The following C12orf42 variants were observed in gnomAD, a reference collection of about 807,000 sequenced individuals.
C12orf42 encodes uncharacterized protein C12orf42.
Under a neutral mutation model 21.6 loss-of-function variants are expected in C12orf42, and 25 were observed. That is an observed-to-expected ratio of 1.16 (90% CI 0.84 to 1.62). The LOEUF is 1.62. C12orf42 is among the 40% of genes most tolerant of loss of function. C12orf42 has a pLI of 0.00. For synonymous variants in C12orf42, 174 were observed against 175.0 expected (o/e 0.99, Z 0.05); for missense variants, 483 against 459.3 (o/e 1.05, Z -0.47).
At chr12:103,100,230 T>C in the C12orf42 span, among the ~76,000 whole-genome samples, 1 of 152,194 alleles carries the variant, frequency 6.6e-6, no homozygotes, top group Admixed American at 6.5e-5. Context: ...GCGGGCAATC[T>C]TGCCCGCAGA....
At chr12:103,085,264 G>C in the C12orf42 span, among the ~76,000 whole-genome samples, 4 of 152,158 alleles carry the variant, frequency 2.6e-5, no homozygotes, top group African/African-American at 4.8e-5. Context: ...AATTCTAAGA[G>C]AGTCTCTTAG....
intron 4 of C12orf42, among the ~76,000 whole-genome samples, chr12:103,315,080 A>G: frequency 6.6e-6 from 1 of 152,172 alleles, no homozygotes; most frequent in East Asian, 1.9e-4. Context: ...ACAAACATTA[A>G]ACACAACCCG....
chr12:103,359,515 T>G (rs1198299066), intron 4 of C12orf42, among the ~76,000 whole-genome samples: 1 of 152,082 alleles, frequency 6.6e-6, no homozygotes, highest in African/African-American at 2.4e-5. Flanking sequence ...TATACAAGGA[T>G]GCATTACACT....
At chr12:103,255,847 C>A (rs1022889181) in intron 10 of C12orf42, among the ~76,000 whole-genome samples, 26 of 150,408 alleles carry the variant, frequency 1.7e-4, no homozygotes, top group African/African-American at 5.6e-4. Context: ...GTCAGGAGAT[C>A]GACACCATCC....
intron 3 of C12orf42, among the ~76,000 whole-genome samples, chr12:103,391,318 CTA>C (rs1178317097): frequency 4.6e-5 from 7 of 152,112 alleles, no homozygotes; most frequent in African/African-American, 1.4e-4. Context: ...TATGGTAATT[CTA>C]TGTTTCACTT....
chr12:103,146,560 A>AAAAGAAAGAAAGAATG, the C12orf42 span, among the ~76,000 whole-genome samples: 8 of 120,054 alleles, frequency 6.7e-5, no homozygotes, highest in Admixed American at 4.5e-4. Flanking sequence ...ATAAAGAAAG[A>AAAAGAAAGAAAGAATG]AAAGAAAGAA....
chr12:103,183,091 T>C, the C12orf42 span, among the ~76,000 whole-genome samples: 5 of 152,242 alleles, frequency 3.3e-5, no homozygotes, highest in Non-Finnish European at 7.3e-5. Context: ...TTTCATTTCA[T>C]TTCATTTTAA....
At chr12:103,378,985 A>G (rs2045934835) in intron 3 of C12orf42, among the ~76,000 whole-genome samples, 1 of 152,186 alleles carries the variant, frequency 6.6e-6, no homozygotes, top group Non-Finnish European at 1.5e-5. Context: ...GTGAATGAAA[A>G]AGGTGAAGAC....
intron 3 of C12orf42, among the ~76,000 whole-genome samples, chr12:103,374,987 A>C (rs1258132474): frequency 6.6e-6 from 1 of 152,220 alleles, no homozygotes; most frequent in Non-Finnish European, 1.5e-5. Context: ...GAAAGAGATG[A>C]TATTTGCTAC....
the C12orf42 span, among the ~76,000 whole-genome samples, chr12:103,506,389 A>G: frequency 2.0e-5 from 3 of 150,180 alleles, no homozygotes; most frequent in Admixed American, 6.7e-5. Context: ...GTGAAAACAT[A>G]TAAAGTCAGT....
the C12orf42 span, among the ~76,000 whole-genome samples, chr12:103,064,801 T>A: frequency 6.6e-6 from 1 of 152,214 alleles, no homozygotes; most frequent in Non-Finnish European, 1.5e-5. Context: ...TCTGAGCTGA[T>A]CTTGATTCCA....
chr12:103,183,500 AT>A, the C12orf42 span, among the ~76,000 whole-genome samples: 17 of 150,950 alleles, frequency 1.1e-4, no homozygotes, highest in Non-Finnish European at 1.8e-4. Flanking sequence ...TCAATGTATC[AT>A]TTTTTTTTGA....
Position 103,305,958 on chromosome 12 carries a change from A to C in C12orf42, c.631+16T>G. On this transcript the variant is annotated intron_variant, in intron 5 of 5. Coordinates refer to ENST00000548883, the MANE Select transcript of C12orf42 (RefSeq NM_198521.5). Reference sequence around the variant, plus strand: ...GTTGAAACAAGAAGAGTCAGTAACCACAACATGATACTTACCAGAATTTTT... The same window carrying C: ...GTTGAAACAAGAAGAGTCAGTAACCCCAACATGATACTTACCAGAATTTTT... The C allele has an allele frequency of 6.3e-7, 1 of 1,583,820 alleles. No individual in the cohort carries two copies. The highest frequency in any genetic ancestry group is 1.1e-5 in the South Asian group (1 of 87,554).
intron 4 of C12orf42, chr12:103,277,215 C>T (rs1220543092): frequency 2.2e-6 from 1 of 446,402 alleles, no homozygotes; most frequent in Non-Finnish European, 4.5e-6. Context: ...GACTTCCTTT[C>T]AAAAAGTACC....
At chr12:103,241,947 C>T (rs985376419) in intron 10 of C12orf42, among the ~76,000 whole-genome samples, 1 of 152,138 alleles carries the variant, frequency 6.6e-6, no homozygotes, top group Non-Finnish European at 1.5e-5. Flanking sequence ...ACTAAGACCT[C>T]CAGATTTAGT....
At chr12:103,259,915 G>C (rs562870353) in intron 10 of C12orf42, among the ~76,000 whole-genome samples, 1 of 152,200 alleles carries the variant, frequency 6.6e-6, no homozygotes, top group East Asian at 1.9e-4. Context: ...TTCCAGTTTA[G>C]AACAGTTAAA....
chr12:103,440,001 A>G (rs1308021961), intron 2 of C12orf42, among the ~76,000 whole-genome samples: 2 of 149,378 alleles, frequency 1.3e-5, no homozygotes, highest in East Asian at 4.0e-4. Flanking sequence ...AAGACTTGGA[A>G]CCAACCCAAA....
chr12:103,162,349 G>A, the C12orf42 span, among the ~76,000 whole-genome samples: 1 of 152,172 alleles, frequency 6.6e-6, no homozygotes, highest in East Asian at 1.9e-4. Flanking sequence ...TGCCTCACCA[G>A]ACAATATCAT....
chr12:103,555,420 A>G, the C12orf42 span, among the ~76,000 whole-genome samples: 4 of 152,006 alleles, frequency 2.6e-5, no homozygotes, highest in African/African-American at 9.7e-5. Flanking sequence ...CCATGATTCA[A>G]TTACCTCCCA....
Sources: gnomAD v4.1 joint callset for allele counts (sites outside exome capture counted in the v4.1 genomes callset) on GRCh38, gnomAD v4.1.1 for gene constraint, MANE v1.5 for transcripts, NCBI Gene and HGNC (gene_info 2026-07-23, HGNC 2026-07-21) for gene names.